The following CNTNAP2 variants were observed in gnomAD, a reference collection of about 807,000 sequenced individuals.
CNTNAP2 encodes contactin-associated protein-like 2.
A neutral mutation model predicts 155.2 loss-of-function variants in CNTNAP2; 98 were observed. That is an observed-to-expected ratio of 0.63 (90% CI 0.54 to 0.75). The LOEUF is 0.75. Among genes scored for constraint, CNTNAP2 ranks in the 30% least tolerant of loss-of-function variants. CNTNAP2 has a pLI of 0.00. For synonymous variants in CNTNAP2, 651 were observed against 631.2 expected (o/e 1.03, Z -0.47); for missense variants, 1,727 against 1,688.1 (o/e 1.02, Z -0.40).
rs543161143 is a variant in CNTNAP2, at chr7:148,152,888, G to T, written c.2773+5179G>T. On this transcript the variant is annotated intron_variant, in intron 17 of 23. Transcript: ENST00000361727. Reference sequence around the variant, plus strand: ...ACAAAAAAATTAGCCAGGTGTAGTGGCAGGCGCCTGTAGTCCCAGCTACTC... The same window carrying T: ...ACAAAAAAATTAGCCAGGTGTAGTGTCAGGCGCCTGTAGTCCCAGCTACTC... Among the ~76,000 whole-genome samples, 42 of 152,016 alleles carry T rather than the reference G, an allele frequency of 2.8e-4. 1 individual carries two copies. The highest frequency in any genetic ancestry group is 3.4e-3 in the Middle Eastern group (1 of 294).
intron 5 of CNTNAP2, among the ~76,000 whole-genome samples, chr7:147,110,179 C>G (rs1800847250): frequency 6.6e-6 from 1 of 152,138 alleles, no homozygotes; most frequent in Admixed American, 6.5e-5. Context: ...CCTGCCTTGG[C>G]CTTCCAAAGT....
At chr7:147,004,880 T>C (rs939147397) in intron 3 of CNTNAP2, among the ~76,000 whole-genome samples, 1 of 152,080 alleles carries the variant, frequency 6.6e-6, no homozygotes, top group African/African-American at 2.4e-5. Flanking sequence ...TACTGGAAAA[T>C]ATATTGTTGA....
At chr7:147,554,150 C>G (rs1799906072) in intron 11 of CNTNAP2, among the ~76,000 whole-genome samples, 1 of 152,150 alleles carries the variant, frequency 6.6e-6, no homozygotes, top group East Asian at 1.9e-4. Flanking sequence ...TGTAGGCTTT[C>G]TCTCCTTCTT....
Position 148,172,238 on chromosome 7 carries a change from C to T in CNTNAP2, c.2774-4C>T. On this transcript the variant is annotated splice_polypyrimidine_tract_variant and splice_region_variant and intron_variant, in intron 17 of 23. Coordinates refer to ENST00000361727, the MANE Select transcript of CNTNAP2 (RefSeq NM_014141.6). ...CTGAACTCTGTGCCTTCTGTCATTC[C>T]CAGGTGGTGCTGGGGGCCAGCAGGG... The T allele has an allele frequency of 6.2e-7, 1 of 1,613,496 alleles. No homozygotes were observed. The highest frequency in any genetic ancestry group is 8.5e-7 in the Non-Finnish European group (1 of 1,179,862).
At chr7:147,209,698 G>A (rs1803098148) in intron 8 of CNTNAP2, among the ~76,000 whole-genome samples, 1 of 151,876 alleles carries the variant, frequency 6.6e-6, no homozygotes, top group Admixed American at 6.6e-5. Flanking sequence ...TTTTTCCCAT[G>A]CAGTATGATG....
At chr7:147,611,845 G>T (rs1563021447) in intron 12 of CNTNAP2, among the ~76,000 whole-genome samples, 1 of 152,164 alleles carries the variant, frequency 6.6e-6, no homozygotes, top group Non-Finnish European at 1.5e-5. Context: ...GCGTGCTGTG[G>T]TGAGATGCCT....
intron 10 of CNTNAP2, among the ~76,000 whole-genome samples, chr7:147,457,995 C>T (rs1797951840): frequency 1.3e-5 from 2 of 152,106 alleles, no homozygotes; most frequent in Non-Finnish European, 2.9e-5. Flanking sequence ...TTCAGACTCA[C>T]ATTTGTTAAG....
At chr7:146,902,314 C>A (rs1339936480) in intron 3 of CNTNAP2, among the ~76,000 whole-genome samples, 2 of 152,128 alleles carry the variant, frequency 1.3e-5, no homozygotes, top group African/African-American at 2.4e-5. Flanking sequence ...TCTTCTGAAT[C>A]TAAAGAATGC....
At chr7:146,151,340 T>C (rs777368250) in intron 1 of CNTNAP2, among the ~76,000 whole-genome samples, 1 of 152,000 alleles carries the variant, frequency 6.6e-6, no homozygotes, top group African/African-American at 2.4e-5. Flanking sequence ...CTCGTACTTA[T>C]TCTTCCTGTA....
intron 15 of CNTNAP2, chr7:147,978,328 T>C (rs570044013): frequency 4.3e-5 from 15 of 348,246 alleles, no homozygotes; most frequent in African/African-American, 3.2e-4. Flanking sequence ...GTTAATGCCA[T>C]TAGGATGACT....
In CNTNAP2 at chr7:148,105,929, G is replaced by A. The variant is rs12672540; in HGVS notation, c.2384-12189G>A. 0.023 allele frequency among the ~76,000 whole-genome samples: 3,554 copies of A among 152,284 alleles called. 249 individuals carry two copies. In the East Asian group the frequency reaches 0.26, roughly 11 times the overall value. On this transcript the variant is annotated intron_variant, in intron 15 of 23. Coordinates refer to ENST00000361727, the MANE Select transcript of CNTNAP2 (RefSeq NM_014141.6). ...TGGATTTCTCTGTTGGCTTTATCAAGGATGAATTTGAGATGAGCAGCAGCA... is the reference window on the plus strand; with the variant it reads ...TGGATTTCTCTGTTGGCTTTATCAAAGATGAATTTGAGATGAGCAGCAGCA...
chr7:146,721,314 ATATT>A (rs1174923962), intron 1 of CNTNAP2, among the ~76,000 whole-genome samples: 1,476 of 120,484 alleles, frequency 0.012, 60 homozygotes, highest in African/African-American at 0.047. Flanking sequence ...TATTCTATAT[ATATT>A]CTATATATAC....
chr7:147,104,575 T>G (rs575835213), intron 4 of CNTNAP2, among the ~76,000 whole-genome samples: 2 of 151,572 alleles, frequency 1.3e-5, no homozygotes, highest in Non-Finnish European at 3.0e-5. Flanking sequence ...CTGAAAACAT[T>G]TGATGGGGAA....
intron 13 of CNTNAP2, among the ~76,000 whole-genome samples, chr7:147,868,773 C>T (rs1408587403): frequency 6.6e-6 from 1 of 152,232 alleles, no homozygotes; most frequent in East Asian, 1.9e-4. Context: ...TGGGACCCTC[C>T]AAGCCAGGCA....
intron 8 of CNTNAP2, among the ~76,000 whole-genome samples, chr7:147,152,567 T>C (rs1801848164): frequency 6.6e-6 from 1 of 151,868 alleles, no homozygotes; most frequent in Non-Finnish European, 1.5e-5. Context: ...CTGATCTTGG[T>C]AGTACGAAAA....
At chr7:147,316,553 GATA>G (rs1795236880) in intron 9 of CNTNAP2, among the ~76,000 whole-genome samples, 4 of 152,100 alleles carry the variant, frequency 2.6e-5, no homozygotes, top group Non-Finnish European at 1.5e-5. Flanking sequence ...ATGTGGAGAT[GATA>G]CAATAAGGTT....
chr7:147,563,768 T>C (rs1437005266), intron 12 of CNTNAP2, among the ~76,000 whole-genome samples: 3 of 152,194 alleles, frequency 2.0e-5, no homozygotes, highest in Non-Finnish European at 4.4e-5. Context: ...TGGTTTTGTT[T>C]TCTATACAAA....
At chr7:146,797,122 C>T (rs749134326) in intron 2 of CNTNAP2, among the ~76,000 whole-genome samples, 19 of 152,022 alleles carry the variant, frequency 1.2e-4, no homozygotes, top group South Asian at 4.2e-4. Flanking sequence ...GGCAACAGAG[C>T]GAGACTCCAT....
In CNTNAP2 at chr7:147,759,417, C is replaced by T. The variant is rs78490568; in HGVS notation, c.2098+120111C>T. 3.7e-4 allele frequency among the ~76,000 whole-genome samples: 56 copies of T among 152,270 alleles called. No homozygotes were observed. The East Asian group carries it at 4.1e-3, about 11-fold the overall frequency. On this transcript the variant is annotated intron_variant, in intron 13 of 23. Coordinates refer to ENST00000361727, the MANE Select transcript of CNTNAP2 (RefSeq NM_014141.6). ...CAATGCTCTTTGCAATGAGTACCTC[C>T]GGTTTACCATTGTGGAGGAAATATT...
Sources: gnomAD v4.1 joint callset for allele counts (sites outside exome capture counted in the v4.1 genomes callset) on GRCh38, gnomAD v4.1.1 for gene constraint, MANE v1.5 for transcripts, NCBI Gene and HGNC (gene_info 2026-07-23, HGNC 2026-07-21) for gene names.